SOAT2: variants seen among roughly 807,000 people sequenced by gnomAD.
The protein encoded by SOAT2 is ACAT-2.
Under a neutral mutation model 76.0 loss-of-function variants are expected in SOAT2, and 87 were observed. That is an observed-to-expected ratio of 1.14 (90% CI 0.96 to 1.37). The LOEUF is 1.37. Among genes scored for constraint, SOAT2 ranks in the 40% most tolerant of loss-of-function variants. The pLI, the probability that SOAT2 is intolerant of heterozygous loss-of-function variation, is 0.00. For synonymous variants in SOAT2, 285 were observed against 275.4 expected, an observed-to-expected ratio of 1.03 and a Z score of -0.34; for missense variants, 686 against 682.1, an observed-to-expected ratio of 1.01 and a Z score of -0.06.
At chr12:53,110,736 T>C (rs1290762528) in intron 5 of SOAT2, among the ~76,000 whole-genome samples, 2 of 152,224 alleles carry the variant, frequency 1.3e-5, no homozygotes, top group Admixed American at 6.5e-5. Context: ...AGATGCAGTT[T>C]ATGACCTAAA....
chr12:53,123,820 G>C lies in SOAT2; in HGVS notation c.1465G>C (p.Val489Leu). 2.5e-6 allele frequency: 4 copies of C among 1,614,134 alleles called. No individual in the cohort carries two copies. Among genetic ancestry groups the C allele is most frequent in the Non-Finnish European group, 3.4e-6 (4 of 1,180,028 alleles). Residue 489 changes from valine to leucine, a missense_variant, in exon 14 of 15, where the codon GTC becomes CTC. Transcript: ENST00000301466. ...TMLFLGQGIQ[V>L]SLYCQEWYAR... The stretch of plus-strand genomic sequence containing the variant: ...GCTGTTTCTAGGCCAGGGAATCCAG[G>C]TCAGCCTGTACTGCCAGGAGTGGTA...
At chr12:53,122,576 C>A (rs1204198887) in intron 12 of SOAT2, among the ~76,000 whole-genome samples, 1 of 151,952 alleles carries the variant, frequency 6.6e-6, no homozygotes, top group African/African-American at 2.4e-5. Context: ...TAGCAAAGCA[C>A]ATCTTGCACC....
intron 5 of SOAT2, among the ~76,000 whole-genome samples, chr12:53,114,522 A>C (rs1265885270): frequency 1.3e-5 from 2 of 151,980 alleles, no homozygotes; most frequent in Admixed American, 1.3e-4. Flanking sequence ...GCAATTCAAG[A>C]CCAGTCTGGC....
chr12:53,120,955 A>C (rs1362563284), intron 11 of SOAT2, 72 bp downstream of exon 11: 3 of 1,172,890 alleles, frequency 2.6e-6, no homozygotes, highest in Non-Finnish European at 3.9e-6. Flanking sequence ...GGAAGATGGT[A>C]GCCAGGTTGG....
At position 53,118,442 on chromosome 12, in the gene SOAT2, C is replaced by T. The variant is rs377143928; in HGVS notation, c.863+8C>T. On this transcript the variant is annotated splice_region_variant and intron_variant, in intron 8 of 14. Transcript: ENST00000301466. ...CAGGGAGACTTACCCTAGGTAAGAC[C>T]CTGCACTCCTTCCCCAAATGCCCAG... 2.1e-5 allele frequency: 34 copies of T among 1,597,652 alleles called. No homozygotes were observed. The Middle Eastern group carries it at 8.3e-4, about 39-fold the overall frequency.
intron 12 of SOAT2, among the ~76,000 whole-genome samples, chr12:53,122,480 C>T (rs1482759645): frequency 2.7e-5 from 4 of 145,924 alleles, no homozygotes; most frequent in African/African-American, 5.4e-5. Context: ...GACCCTGCGG[C>T]CTTCCGCAGT....
In SOAT2 at chr12:53,118,463, C is replaced by T. The variant is rs760816954; in HGVS notation, c.863+29C>T. On this transcript the variant is annotated intron_variant, in intron 8 of 14. Transcript: ENST00000301466. ...AGACCCTGCACTCCTTCCCCAAATG[C>T]CCAGGCCCATCAGGAAACTTACCCT... 61 of 1,539,484 alleles carry T rather than the reference C, an allele frequency of 4.0e-5. No individual in the cohort carries two copies. The South Asian group carries it at 6.2e-4, about 16-fold the overall frequency.
chr12:53,120,240 T>C (rs1030228932), intron 10 of SOAT2, among the ~76,000 whole-genome samples: 30 of 152,180 alleles, frequency 2.0e-4, no homozygotes, highest in African/African-American at 6.3e-4. Flanking sequence ...GAGGCTAAGG[T>C]GGGTGGATCA....
intron 5 of SOAT2, among the ~76,000 whole-genome samples, chr12:53,110,492 CACAG>C (rs1937995709): frequency 6.6e-6 from 1 of 152,200 alleles, no homozygotes; most frequent in Admixed American, 6.6e-5. Flanking sequence ...TCAGGACTTC[CACAG>C]ACAATCTCTG....
chr12:53,115,749 G>A (rs577583250), intron 6 of SOAT2, 95 bp downstream of exon 6: 5 of 1,369,846 alleles, frequency 3.7e-6, no homozygotes, highest in South Asian at 3.1e-5. Flanking sequence ...CGGGGCCCAC[G>A]AGAGGGAGGC....
chr12:53,118,231 C>T, intron 7 of SOAT2, 119 bp from the exon 8 acceptor site: 2 of 473,094 alleles, frequency 4.2e-6, no homozygotes, highest in Non-Finnish European at 7.8e-6. Flanking sequence ...CTTGCTTATC[C>T]CCCACCCCCA....
chr12:53,115,303 G>A (rs941341610), intron 5 of SOAT2, 87 bp from the exon 6 acceptor site: 1 of 1,447,246 alleles, frequency 6.9e-7, no homozygotes, highest in African/African-American at 1.4e-5. Flanking sequence ...AGATACCTCA[G>A]TTCATCTTCC....
At chr12:53,110,020 T>C (rs1937989588) in intron 5 of SOAT2, among the ~76,000 whole-genome samples, 1 of 152,228 alleles carries the variant, frequency 6.6e-6, no homozygotes, top group African/African-American at 2.4e-5. Context: ...GAATTTCCTT[T>C]ACAATCAACC....
At chr12:53,103,791 AC>A in intron 1 of SOAT2, 132 bp downstream of exon 1, 1 of 799,008 alleles carries the variant, frequency 1.3e-6, no homozygotes, top group Non-Finnish European at 1.9e-6. Context: ...AGGAAGGTAG[AC>A]CCTGGCCTCA....
In SOAT2 at chr12:53,103,638, G is replaced by A. The variant is rs1021817091; in HGVS notation, c.61G>A (p.Glu21Lys). ...GACAGAAGGGCTGGGAGGGGAGCGGGAGCGCCAACCCTGTGGAGATGGTGA... is the reference window on the plus strand; with the variant it reads ...GACAGAAGGGCTGGGAGGGGAGCGGAAGCGCCAACCCTGTGGAGATGGTGA... Reference protein sequence around the residue: ...QRTEGLGGERERQPCGDGNTE... With the variant: ...QRTEGLGGERKRQPCGDGNTE... The change falls in exon 1 of 15, where the codon GAG becomes AAG. Residue 21 changes from glutamate (E) to lysine (K), a missense_variant. Transcript: ENST00000301466. 22 of 1,541,688 alleles carry A rather than the reference G, an allele frequency of 1.4e-5. No individual in the cohort carries two copies. Among genetic ancestry groups the A allele is most frequent in the Admixed American group, 2.0e-5 (1 of 50,160 alleles).
intron 7 of SOAT2, 75 bp downstream of exon 7, chr12:53,116,241 C>G (rs1331291520): frequency 7.3e-7 from 1 of 1,367,888 alleles, no homozygotes; most frequent in African/African-American, 1.4e-5. Flanking sequence ...GTGCAGGATC[C>G]TGATAAAAGT....
chr12:53,104,034 C>A (rs1234855995), intron 1 of SOAT2, 117 bp from the exon 2 acceptor site: 2 of 876,304 alleles, frequency 2.3e-6, no homozygotes, highest in Non-Finnish European at 2.0e-6. Context: ...TAGATATTGG[C>A]TGGTTGGGGT....
chr12:53,108,511 A>C (rs1253101030), intron 5 of SOAT2, among the ~76,000 whole-genome samples: 1 of 152,254 alleles, frequency 6.6e-6, no homozygotes, highest in Non-Finnish European at 1.5e-5. Context: ...AACATGCTCC[A>C]AATTTTATTC....
At chr12:53,112,167 A>G (rs1216574080) in intron 5 of SOAT2, among the ~76,000 whole-genome samples, 1 of 152,092 alleles carries the variant, frequency 6.6e-6, no homozygotes, top group Non-Finnish European at 1.5e-5. Flanking sequence ...CTTCTTAAAA[A>G]CCCCAGAGTA....
Sources: gnomAD v4.1 joint callset for allele counts (sites outside exome capture counted in the v4.1 genomes callset) on GRCh38, gnomAD v4.1.1 for gene constraint, MANE v1.5 for transcripts, NCBI Gene and HGNC (gene_info 2026-07-23, HGNC 2026-07-21) for gene names.